TTYH3: variants seen among roughly 807,000 people sequenced by gnomAD.
TTYH3 encodes the protein protein tweety homolog 3.
A neutral mutation model predicts 68.2 loss-of-function variants in TTYH3; 23 were observed. The observed-to-expected ratio is 0.34, with a 90% confidence interval of 0.24 to 0.48. TTYH3 has a LOEUF of 0.48. Among genes scored for constraint, TTYH3 ranks in the 20% least tolerant of loss-of-function variants. TTYH3 has a pLI of 0.99. For missense variants in TTYH3, 768 were observed against 727.7 expected (o/e 1.06, Z -0.64); for synonymous variants, 360 against 332.8 (o/e 1.08, Z -0.89).
At chr7:2,648,312 G>C (rs1386696097) in intron 5 of TTYH3, 1 of 464,356 alleles carries the variant, frequency 2.2e-6, no homozygotes, top group Non-Finnish European at 3.8e-6. Context: ...GGCACTTGTA[G>C]CCCAGGACCT....
chr7:2,638,020 C>A (rs890963670), intron 1 of TTYH3, among the ~76,000 whole-genome samples: 3 of 152,348 alleles, frequency 2.0e-5, no homozygotes, highest in African/African-American at 7.2e-5. Context: ...GGCCTGTGCA[C>A]GCTGGCTGGG....
chr7:2,648,194 G>A lies in TTYH3; in HGVS notation c.722+140G>A, dbSNP rs940059939. On this transcript the variant is annotated intron_variant, in intron 5 of 13. Coordinates refer to ENST00000258796, the MANE Select transcript of TTYH3 (RefSeq NM_025250.3). ...GGGCTGAGCGGGACCCCCCTGCACTGGGCCTGCTCTGAGATGCCCCTTCTG... is the reference window on the plus strand; with the variant it reads ...GGGCTGAGCGGGACCCCCCTGCACTAGGCCTGCTCTGAGATGCCCCTTCTG... 2.6e-5 allele frequency: 20 copies of A among 755,520 alleles called. No homozygotes were observed. In the African/African-American group the frequency reaches 3.2e-4, roughly 12 times the overall value. The allele number at this position is 755,520 out of a possible 1,614,324, so 46.8% of individuals were successfully genotyped here. A position where few individuals can be genotyped will look rare whatever the true frequency, so the allele number is the denominator to read the frequency against.
chr7:2,652,851 G>C, intron 8 of TTYH3, 67 bp from the exon 9 acceptor site: 2 of 1,339,748 alleles, frequency 1.5e-6, no homozygotes, highest in South Asian at 1.3e-5. Context: ...CGCGTTGGAG[G>C]GTCCTGGGGA....
chr7:2,664,631 C>T lies in TTYH3; in HGVS notation c.*2892C>T, dbSNP rs1218284856. On this transcript the variant is annotated 3_prime_UTR_variant, in exon 14 of 14. Transcript: ENST00000258796. ...TCCTCCAGCCTCTGTAGGGCCATGGCTGTATGTACTGTCGCTGTGTTTTTT... is the reference window on the plus strand; with the variant it reads ...TCCTCCAGCCTCTGTAGGGCCATGGTTGTATGTACTGTCGCTGTGTTTTTT... The T allele has an allele frequency of 3.3e-5, 5 of 152,326 alleles. No homozygotes were observed. The highest frequency in any genetic ancestry group is 7.3e-5 in the African/African-American group (3 of 41,342). The allele number at this position is 152,326 out of a possible 1,614,324, so 9.4% of individuals were successfully genotyped here.
Position 2,659,008 on chromosome 7 carries a change from C to T in TTYH3, c.1493C>T (p.Pro498Leu). The T allele has an allele frequency of 1.9e-6, 3 of 1,613,896 alleles. No homozygotes were observed. The highest frequency in any genetic ancestry group is 2.5e-6 in the Non-Finnish European group (3 of 1,179,872). The change falls in exon 13 of 14, where the codon CCG (proline) becomes CTG (leucine). Residue 498 changes from proline (P) to leucine (L), a missense_variant. By Grantham distance (98) the Pro-to-Leu change is moderately conservative. Coordinates refer to ENST00000258796, the MANE Select transcript of TTYH3 (RefSeq NM_025250.3). ...CCACTCATTGGGCGCGAGTCCCCGC[C>T]GCCCTCAGTAAGTCTTGGGGCAGGA... is the stretch of plus-strand genomic sequence containing the variant. ...NTPLIGRESP[P>L]PSYTSSMRAK...
intron 9 of TTYH3, among the ~76,000 whole-genome samples, chr7:2,655,070 A>G (rs1208762835): frequency 6.6e-6 from 1 of 152,236 alleles, no homozygotes; most frequent in African/African-American, 2.4e-5. Context: ...CTGGGGGTTC[A>G]GACCGCAACA....
intron 13 of TTYH3, chr7:2,660,052 C>CT (rs550382933): frequency 7.0e-5 from 80 of 1,149,296 alleles, no homozygotes; most frequent in African/African-American, 6.6e-4. Context: ...TACTGACCCA[C>CT]CGGTCCCCCA....
intron 1 of TTYH3, among the ~76,000 whole-genome samples, chr7:2,639,781 C>T (rs1281870750): frequency 6.6e-6 from 1 of 152,206 alleles, no homozygotes; most frequent in Non-Finnish European, 1.5e-5. Flanking sequence ...TGGAGCCTGT[C>T]CCTTTCCCTC....
chr7:2,657,561 C>T (rs1786373469), intron 11 of TTYH3, among the ~76,000 whole-genome samples: 1 of 152,114 alleles, frequency 6.6e-6, no homozygotes, highest in South Asian at 2.1e-4. Context: ...TAGCCCTGGA[C>T]CCACAGGGCT....
rs185588692 is a variant in TTYH3 at position 2,646,419 on chromosome 7, C to T, written c.124-434C>T. On this transcript the variant is annotated intron_variant, in intron 1 of 13. Transcript: ENST00000258796. ...GATGGTGGCTCACCAGCAGCGTCCT[C>T]GTTTGTCACCCACATTCTCTGGCTA... Among the ~76,000 whole-genome samples the T allele has an allele frequency of 8.8e-4, 134 of 152,368 alleles. No individual in the cohort carries two copies. The East Asian group carries it at 9.8e-3, about 11-fold the overall frequency.
In TTYH3 at chr7:2,646,859, C is replaced by T. The variant is rs147169055; in HGVS notation, c.130C>T (p.Leu44=). The T allele has an allele frequency of 1.3e-6, 2 of 1,595,026 alleles. No individual in the cohort carries two copies. The highest frequency in any genetic ancestry group is 1.7e-6 in the Non-Finnish European group (2 of 1,178,208). The change falls in exon 2 of 14, where the codon CTG becomes TTG. Residue 44 remains leucine, a synonymous_variant. Transcript: ENST00000258796. ...GCTTCCTGCCTGCCCTCAGGCCCTG[C>T]TGCTCCTGGGGGCCGCCGCCCTGGC... ...PEDTDYQQAL[L]LLGAAALACL...
chr7:2,659,836 C>T, intron 13 of TTYH3: 1 of 1,228,328 alleles, frequency 8.1e-7, no homozygotes, highest in Non-Finnish European at 1.1e-6. Context: ...CTCGTCCTCG[C>T]CATCACACGG....
chr7:2,643,769 G>A (rs949950150), intron 1 of TTYH3, among the ~76,000 whole-genome samples: 2 of 152,128 alleles, frequency 1.3e-5, no homozygotes, highest in South Asian at 2.1e-4. Flanking sequence ...CTGATGCCCC[G>A]AGCTCTGGGT....
Position 2,658,289 on chromosome 7 carries a change from C to T in TTYH3, c.1254C>T (p.Gly418=). 1 of 1,574,038 alleles carries T rather than the reference C, an allele frequency of 6.4e-7. No individual in the cohort carries two copies. Among genetic ancestry groups the T allele is most frequent in the South Asian group, 1.2e-5 (1 of 86,604 alleles). Residue 418 remains glycine (G), a synonymous_variant, in exon 12 of 14, where the codon GGC becomes GGT. Coordinates refer to ENST00000258796, the MANE Select transcript of TTYH3 (RefSeq NM_025250.3). ...TGCTGCGTGTCCCTCCTCACAGAGG[C>T]CCTGATGAGGACGGGGAGGAGGAGG... is the stretch of plus-strand genomic sequence containing the variant. ...SVPHTWQQKR[G]PDEDGEEEAA...
chr7:2,646,774 C>T (rs1785995056), intron 1 of TTYH3, 79 bp from the exon 2 acceptor site: 6 of 1,445,286 alleles, frequency 4.2e-6, no homozygotes, highest in Non-Finnish European at 5.6e-6. Context: ...GAGTCTGCGC[C>T]AGGTCCCCTG....
chr7:2,649,221 G>T (rs537998050), intron 5 of TTYH3, among the ~76,000 whole-genome samples: 1 of 152,254 alleles, frequency 6.6e-6, no homozygotes, highest in African/African-American at 2.4e-5. Context: ...GGCCCCTTGG[G>T]CTGCTACGTG....
In TTYH3 at chr7:2,652,212, C is replaced by T. The variant is rs750942227; in HGVS notation, c.897C>T (p.Cys299=). 6.8e-6 allele frequency: 11 copies of T among 1,613,092 alleles called. No individual in the cohort carries two copies. Among genetic ancestry groups the T allele is most frequent in the South Asian group, 2.2e-5 (2 of 91,080 alleles). The change falls in exon 8 of 14, where the codon TGC becomes TGT. Residue 299 remains cysteine (C), a synonymous_variant. Transcript: ENST00000258796. ...SGDILQYYLA[C]SPRAANPFQQ... is the part of the protein sequence containing the mutation. ...ACATCCTGCAGTACTACCTGGCCTG[C>T]TCGCCCCGCGCCGCCAACCCCTTCC...
intron 6 of TTYH3, 27 bp downstream of exon 6, chr7:2,649,666 C>G: frequency 6.3e-7 from 1 of 1,583,744 alleles, no homozygotes; most frequent in Non-Finnish European, 8.5e-7. Context: ...GTGAGGTCCC[C>G]GGCTGCTGGA....
chr7:2,634,410 C>T (rs1459324623), intron 1 of TTYH3, among the ~76,000 whole-genome samples: 3 of 152,100 alleles, frequency 2.0e-5, no homozygotes, highest in Non-Finnish European at 4.4e-5. Flanking sequence ...GGCGCCCCTT[C>T]CTGCCTCCCC....
Sources: gnomAD v4.1 joint callset for allele counts (sites outside exome capture counted in the v4.1 genomes callset) on GRCh38, gnomAD v4.1.1 for gene constraint, MANE v1.5 for transcripts, NCBI Gene and HGNC (gene_info 2026-07-23, HGNC 2026-07-21) for gene names.